TENM3: variants seen among roughly 807,000 people sequenced by gnomAD.
TENM3 encodes teneurin-3.
Under a neutral mutation model 255.1 loss-of-function variants are expected in TENM3, and 63 were observed. The ratio of observed to expected loss-of-function variants is 0.25; its 90% CI spans 0.20 to 0.30. The LOEUF (loss-of-function observed/expected upper bound fraction) is 0.30, where lower values mean the gene tolerates loss of function less well. Ranked by LOEUF, TENM3 falls within the 10% of genes least tolerant of loss-of-function variation. The pLI, the probability that TENM3 is intolerant of heterozygous loss-of-function variation, is 1.00. For synonymous variants in TENM3, 1,306 were observed against 1,322.3 expected (o/e 0.99, Z 0.27); for missense variants, 2,929 against 3,461.1 (o/e 0.85, Z 3.86).
the TENM3 span, among the ~76,000 whole-genome samples, chr4:181,616,206 T>C: frequency 6.8e-6 from 1 of 147,436 alleles, no homozygotes; most frequent in Non-Finnish European, 1.5e-5. Context: ...GAAAAGGGAA[T>C]CAGTGTATTC....
At chr4:182,112,632 A>C in the TENM3 span, among the ~76,000 whole-genome samples, 1 of 152,220 alleles carries the variant, frequency 6.6e-6, no homozygotes, top group Admixed American at 6.5e-5. Context: ...GGGAAAACAA[A>C]GAGCAGTCTT....
At chr4:181,879,962 A>G in the TENM3 span, among the ~76,000 whole-genome samples, 5 of 152,140 alleles carry the variant, frequency 3.3e-5, no homozygotes, top group African/African-American at 1.2e-4. Context: ...GTCTAAGTTA[A>G]TTTTCCAAAA....
chr4:181,679,840 T>A, the TENM3 span, among the ~76,000 whole-genome samples: 1 of 152,154 alleles, frequency 6.6e-6, no homozygotes, highest in African/African-American at 2.4e-5. Context: ...TTTGTCTAGA[T>A]AATTTAAACA....
chr4:181,755,545 C>T, the TENM3 span, among the ~76,000 whole-genome samples: 1 of 152,090 alleles, frequency 6.6e-6, no homozygotes, highest in Non-Finnish European at 1.5e-5. Flanking sequence ...TGAGTCTAAA[C>T]ACAAAGTTGA....
At chr4:182,658,366 A>G (rs12186290) in intron 6 of TENM3, among the ~76,000 whole-genome samples, 25,867 of 152,152 alleles carry the variant, frequency 0.17, 2,306 homozygotes, top group Non-Finnish European at 0.19. Flanking sequence ...GCTTGACAAT[A>G]TAATCACTCT....
the TENM3 span, among the ~76,000 whole-genome samples, chr4:181,961,956 G>A: frequency 2.3e-4 from 35 of 152,202 alleles, no homozygotes; most frequent in African/African-American, 8.4e-4. Context: ...TTCACTATAG[G>A]TGAAAATGTT....
chr4:181,841,904 A>G, the TENM3 span, among the ~76,000 whole-genome samples: 1 of 152,154 alleles, frequency 6.6e-6, no homozygotes, highest in Non-Finnish European at 1.5e-5. Flanking sequence ...GAGCCTATTA[A>G]CTGTTGAAAC....
chr4:181,649,853 G>C, the TENM3 span, among the ~76,000 whole-genome samples: 1 of 152,178 alleles, frequency 6.6e-6, no homozygotes, highest in East Asian at 1.9e-4. Flanking sequence ...TCGTGGTACA[G>C]AGATAATGTG....
At chr4:182,427,402 G>T (rs931015045) in intron 3 of TENM3, among the ~76,000 whole-genome samples, 1 of 152,114 alleles carries the variant, frequency 6.6e-6, no homozygotes, top group African/African-American at 2.4e-5. Context: ...TTATCCTTTC[G>T]AAGAGCAAGG....
At chr4:181,901,020 A>G in the TENM3 span, among the ~76,000 whole-genome samples, 1 of 152,192 alleles carries the variant, frequency 6.6e-6, no homozygotes, top group South Asian at 2.1e-4. Context: ...CCCAATTTTT[A>G]GTACAGAGAG....
chr4:182,091,194 T>G, the TENM3 span, among the ~76,000 whole-genome samples: 1 of 152,208 alleles, frequency 6.6e-6, no homozygotes, highest in East Asian at 1.9e-4. Flanking sequence ...CAGGCTGATG[T>G]GTACTTACTG....
At chr4:181,969,815 G>A in the TENM3 span, among the ~76,000 whole-genome samples, 2 of 152,208 alleles carry the variant, frequency 1.3e-5, no homozygotes, top group Non-Finnish European at 2.9e-5. Flanking sequence ...TCACCCAGGT[G>A]CGTAAACATT....
At chr4:181,936,878 G>C in the TENM3 span, among the ~76,000 whole-genome samples, 2 of 152,016 alleles carry the variant, frequency 1.3e-5, no homozygotes, top group Non-Finnish European at 2.9e-5. Flanking sequence ...GGCTCTAGGC[G>C]CAAAGGGGGA....
At chr4:182,053,277 C>T in the TENM3 span, among the ~76,000 whole-genome samples, 3 of 152,180 alleles carry the variant, frequency 2.0e-5, no homozygotes, top group Non-Finnish European at 4.4e-5. Context: ...GTTTCTAACA[C>T]GAGCCCAGAA....
the TENM3 span, among the ~76,000 whole-genome samples, chr4:181,721,650 C>A: frequency 3.5e-5 from 5 of 142,912 alleles, no homozygotes; most frequent in Admixed American, 1.4e-4. Flanking sequence ...AGGGTAAGAT[C>A]TGGGGAGGAA....
the TENM3 span, among the ~76,000 whole-genome samples, chr4:181,534,740 C>G: frequency 6.6e-6 from 1 of 152,124 alleles, no homozygotes; most frequent in Non-Finnish European, 1.5e-5. Context: ...AGTAAAGAAC[C>G]CCCTCCACCC....
the TENM3 span, among the ~76,000 whole-genome samples, chr4:181,904,070 A>C: frequency 6.6e-6 from 1 of 152,026 alleles, no homozygotes; most frequent in East Asian, 1.9e-4. Flanking sequence ...TAAGTTGAAA[A>C]CTGAGCTCTT....
chr4:182,146,807 T>C (rs998275208), intron 1 of TENM3, among the ~76,000 whole-genome samples: 8 of 152,196 alleles, frequency 5.3e-5, no homozygotes, highest in African/African-American at 1.9e-4. Context: ...TACTTGATTA[T>C]TGGGAATAAA....
Position 182,799,305 on chromosome 4 carries a change from C to T in TENM3, c.7345-291C>T, listed in dbSNP as rs1448396516. 2.0e-5 allele frequency among the ~76,000 whole-genome samples: 3 copies of T among 152,204 alleles called. No homozygotes were observed. Among genetic ancestry groups the T allele is most frequent in the South Asian group, 4.1e-4 (2 of 4,836 alleles). Reference sequence around the variant, plus strand: ...GGAGTGGGAAAAGAGCATCTAGAAACTGTAAGAGAAAAGCAAGAAACAGGA... The same window carrying T: ...GGAGTGGGAAAAGAGCATCTAGAAATTGTAAGAGAAAAGCAAGAAACAGGA... On this transcript the variant is annotated intron_variant, in intron 27 of 27. Coordinates refer to ENST00000511685, the MANE Select transcript of TENM3 (RefSeq NM_001080477.4). This position sits in a 1 kb window ranked among gnomAD's most constrained non-coding sequence, Gnocchi z 4.2.
Sources: gnomAD v4.1 joint callset for allele counts (sites outside exome capture counted in the v4.1 genomes callset) on GRCh38, gnomAD v4.1.1 for gene constraint, Gnocchi (gnomAD v3.1) non-coding constraint, MANE v1.5 for transcripts, NCBI Gene and HGNC (gene_info 2026-07-23, HGNC 2026-07-21) for gene names.